The following SHC4 variants were observed in gnomAD, a reference collection of about 807,000 sequenced individuals.
SHC4 encodes SHC-transforming protein 4.
SHC4 carries 41 observed loss-of-function variants against 69.4 expected under a neutral mutation model. The observed-to-expected ratio is 0.59, with a 90% CI of 0.46 to 0.77. The LOEUF is 0.77. Ranked by LOEUF, SHC4 falls within the 30% of genes least tolerant of loss-of-function variation. The pLI is 0.00. For missense variants in SHC4, 777 were observed against 783.8 expected (o/e 0.99, Z 0.10); for synonymous variants, 318 against 299.3 (o/e 1.06, Z -0.64).
At chr15:48,875,876 C>A (rs1396393216) in intron 4 of SHC4, among the ~76,000 whole-genome samples, 5 of 152,174 alleles carry the variant, frequency 3.3e-5, no homozygotes, top group African/African-American at 1.2e-4. Context: ...CTGAACTTAA[C>A]AACATTTTGC....
At chr15:48,911,827 A>G (rs1041957779) in intron 2 of SHC4, among the ~76,000 whole-genome samples, 9 of 152,180 alleles carry the variant, frequency 5.9e-5, no homozygotes, top group Non-Finnish European at 1.2e-4. Context: ...TTCGTCTGAA[A>G]AAGACTGTAT....
chr15:48,962,321 C>G (rs989060897), intron 1 of SHC4, 110 bp downstream of exon 1: 33 of 1,146,278 alleles, frequency 2.9e-5, no homozygotes, highest in Non-Finnish European at 1.2e-6. Flanking sequence ...TGAATCATGT[C>G]CTGTCCAAAC....
chr15:48,907,822 G>GTA (rs1184505862), intron 2 of SHC4, among the ~76,000 whole-genome samples: 5 of 115,032 alleles, frequency 4.3e-5, no homozygotes, highest in African/African-American at 1.8e-4. Flanking sequence ...ATATGTGTGT[G>GTA]TGTGTGTGTG....
intron 1 of SHC4, among the ~76,000 whole-genome samples, chr15:48,953,346 A>G (rs554772521): frequency 3.4e-4 from 52 of 152,292 alleles, no homozygotes; most frequent in Non-Finnish European, 6.8e-4. Flanking sequence ...TGATGAAATA[A>G]TCTGTACAAC....
In SHC4 at chr15:48,857,783, C is replaced by T; in HGVS notation, c.979G>A (p.Ala327Thr). The part of the protein sequence containing the change: ...CHILECHNGM[A>T]QDVISTIGQA... ...CCTATGGTACTTATGACGTCTTGGG[C>T]CATTCCATTGTGGCATTCCAATATG... Residue 327 changes from alanine to threonine, a missense_variant, in exon 7 of 12, where the codon GCC (alanine) becomes ACC (threonine). Transcript: ENST00000332408. 6.3e-7 allele frequency: 1 copy of T among 1,590,178 alleles called. No homozygotes were observed. The highest frequency in any genetic ancestry group is 8.6e-7 in the Non-Finnish European group (1 of 1,166,884).
At chr15:48,874,349 G>C (rs193283374) in intron 4 of SHC4, among the ~76,000 whole-genome samples, 1 of 152,180 alleles carries the variant, frequency 6.6e-6, no homozygotes, top group East Asian at 1.9e-4. Context: ...ACTAGAGCAG[G>C]GGCTCCCGAC....
intron 10 of SHC4, among the ~76,000 whole-genome samples, chr15:48,840,937 G>C (rs1249305861): frequency 1.3e-5 from 2 of 152,200 alleles, no homozygotes; most frequent in Non-Finnish European, 2.9e-5. Context: ...AAAAAGGCTA[G>C]AGTCAGAGAA....
chr15:48,932,829 T>C (rs1162258487), intron 1 of SHC4, among the ~76,000 whole-genome samples: 1 of 152,168 alleles, frequency 6.6e-6, no homozygotes. Flanking sequence ...ATCTCTTTTA[T>C]AGCAAGAATG....
chr15:48,927,078 T>C (rs547746101), intron 1 of SHC4, among the ~76,000 whole-genome samples: 1 of 152,232 alleles, frequency 6.6e-6, no homozygotes, highest in East Asian at 1.9e-4. Flanking sequence ...CAACTGTAAG[T>C]GTTATTAGGA....
chr15:48,942,178 T>TA (rs1901187352), intron 1 of SHC4, among the ~76,000 whole-genome samples: 1 of 149,694 alleles, frequency 6.7e-6, no homozygotes, highest in Admixed American at 7.0e-5. Flanking sequence ...CAGTATTTTT[T>TA]TAAAAAAACA....
chr15:48,922,045 T>G (rs1185687815), intron 2 of SHC4, among the ~76,000 whole-genome samples: 1 of 152,188 alleles, frequency 6.6e-6, no homozygotes, highest in Non-Finnish European at 1.5e-5. Flanking sequence ...TAAGTAAACA[T>G]GCAATATTTT....
At chr15:48,960,143 G>A (rs1454432049) in intron 1 of SHC4, among the ~76,000 whole-genome samples, 1 of 152,216 alleles carries the variant, frequency 6.6e-6, no homozygotes, top group Admixed American at 6.5e-5. Context: ...TGGAGTCAGT[G>A]ATTATTGCCA....
chr15:48,907,200 G>T (rs1231985272), intron 2 of SHC4, among the ~76,000 whole-genome samples: 2 of 151,416 alleles, frequency 1.3e-5, no homozygotes, highest in African/African-American at 4.8e-5. Context: ...TCATGGTGAT[G>T]TGTGATTTCT....
intron 4 of SHC4, among the ~76,000 whole-genome samples, chr15:48,880,985 A>AGAGT (rs368901839): frequency 0.022 from 3,256 of 146,064 alleles, 54 homozygotes; most frequent in Non-Finnish European, 0.031. Flanking sequence ...TGTGTGTGAG[A>AGAGT]GTGTGTGTGT....
intron 11 of SHC4, among the ~76,000 whole-genome samples, chr15:48,828,470 A>C (rs1477455263): frequency 6.6e-6 from 1 of 152,162 alleles, no homozygotes; most frequent in Non-Finnish European, 1.5e-5. Context: ...ATGGGAGTGC[A>C]AACATCTTTT....
intron 4 of SHC4, chr15:48,877,669 T>C: frequency 1.5e-6 from 1 of 665,784 alleles, no homozygotes; most frequent in Non-Finnish European, 1.9e-6. Flanking sequence ...ATATCTGTTG[T>C]TTGTGAATTT....
chr15:48,843,287 C>T lies in SHC4; in HGVS notation c.1483+122G>A, dbSNP rs1899026477. On this transcript the variant is annotated intron_variant, in intron 10 of 11. Transcript: ENST00000332408. ...TTCCAGAGGTCCTAGAAGGAACCAA[C>T]CCTGCTGACACTTTGATTTTGGACT... 7.2e-6 allele frequency: 7 copies of T among 968,742 alleles called. No individual in the cohort carries two copies. The South Asian group carries it at 8.0e-5, about 11-fold the overall frequency. The allele number at this position is 968,742 out of a possible 1,614,324, so 60.0% of individuals were successfully genotyped here.
intron 8 of SHC4, among the ~76,000 whole-genome samples, chr15:48,854,604 TG>T (rs1899276520): frequency 2.0e-5 from 3 of 152,202 alleles, no homozygotes; most frequent in Admixed American, 2.0e-4. Context: ...AAAGAGAATG[TG>T]GTACATATAC....
chr15:48,867,850 G>A lies in SHC4; in HGVS notation c.914C>T (p.Ala305Val). Residue 305 changes from alanine to valine, a missense_variant, in exon 6 of 12, where the codon GCC becomes GTC. Physicochemically the swap from Ala to Val is moderately conservative, Grantham distance 64. Coordinates refer to ENST00000332408, the MANE Select transcript of SHC4 (RefSeq NM_203349.4). ...GGDPDTTDYV[A>V]YVAKDPVNQR... Reference sequence around the variant, plus strand: ...ATTAACTGGATCTTTAGCTACGTAGGCAACATAGTCTGTAGTATCCTATAA... The same window carrying A: ...ATTAACTGGATCTTTAGCTACGTAGACAACATAGTCTGTAGTATCCTATAA... 2 of 1,613,422 alleles carry A rather than the reference G, an allele frequency of 1.2e-6. No individual in the cohort carries two copies. The highest frequency in any genetic ancestry group is 1.7e-6 in the Non-Finnish European group (2 of 1,179,600).
Sources: gnomAD v4.1 joint callset for allele counts (sites outside exome capture counted in the v4.1 genomes callset) on GRCh38, gnomAD v4.1.1 for gene constraint, MANE v1.5 for transcripts, NCBI Gene and HGNC (gene_info 2026-07-23, HGNC 2026-07-21) for gene names.